Variants in CNOT2 observed in about 807,000 individuals in gnomAD.
The protein encoded by CNOT2 is CCR4-NOT transcription complex subunit 2, also known as CC chemokine receptor 4-negative regulator of transcription 2.
CNOT2 carries 7 observed loss-of-function variants against 72.1 expected under a neutral mutation model. That is an observed-to-expected ratio of 0.10 (90% CI 0.06 to 0.18). The LOEUF (loss-of-function observed/expected upper bound fraction) is 0.18. Among genes scored for constraint, CNOT2 ranks in the 10% least tolerant of loss-of-function variants. The pLI, the probability that CNOT2 is intolerant of heterozygous loss-of-function variation, is 1.00. For missense variants in CNOT2, 345 were observed against 660.3 expected (o/e 0.52, Z 5.23); for synonymous variants, 196 against 225.6 (o/e 0.87, Z 1.17).
chr12:70,326,432 T>G (rs898320610), intron 4 of CNOT2, among the ~76,000 whole-genome samples: 5 of 150,676 alleles, frequency 3.3e-5, no homozygotes, highest in Non-Finnish European at 7.4e-5. Flanking sequence ...CAAGAAAAAC[T>G]CCTTGAGTTC....
At chr12:70,352,307 AAAT>A (rs1291170099) in intron 15 of CNOT2, among the ~76,000 whole-genome samples, 1 of 152,198 alleles carries the variant, frequency 6.6e-6, no homozygotes, top group Non-Finnish European at 1.5e-5. Context: ...TACAAAATGA[AAAT>A]AATGATATCT....
chr12:70,328,900 A>G (rs1405180752), intron 4 of CNOT2, among the ~76,000 whole-genome samples: 2 of 151,846 alleles, frequency 1.3e-5, no homozygotes, highest in East Asian at 3.9e-4. Context: ...GGGTTTGTAA[A>G]AACAGTAATG....
intron 1 of CNOT2, among the ~76,000 whole-genome samples, chr12:70,255,499 A>G (rs1010463458): frequency 7.2e-5 from 11 of 152,174 alleles, no homozygotes; most frequent in African/African-American, 2.4e-4. Context: ...TAAGGCAAGC[A>G]GAATAGTACT....
intron 1 of CNOT2, among the ~76,000 whole-genome samples, chr12:70,246,587 TCTAC>T (rs1957885546): frequency 6.6e-6 from 1 of 152,210 alleles, no homozygotes; most frequent in Non-Finnish European, 1.5e-5. Flanking sequence ...AAGAGCAGTT[TCTAC>T]CTGTGATACT....
chr12:70,349,854 G>GAA (rs1366596741), intron 15 of CNOT2, among the ~76,000 whole-genome samples: 13 of 152,132 alleles, frequency 8.5e-5, no homozygotes, highest in Middle Eastern at 3.4e-3. Flanking sequence ...GAGAGAGAGA[G>GAA]AAACATAGCC....
At chr12:70,303,326 A>G (rs1356159591) in intron 2 of CNOT2, among the ~76,000 whole-genome samples, 2 of 152,094 alleles carry the variant, frequency 1.3e-5, no homozygotes, top group Non-Finnish European at 2.9e-5. Context: ...GGTCTTTACA[A>G]TTTGGCATGT....
In CNOT2 at chr12:70,261,305, C is replaced by CTTTTTTTTTT. The variant is rs71437141; in HGVS notation, c.-95-16809_-95-16800dup. On this transcript the variant is annotated intron_variant, in intron 1 of 15. Transcript: ENST00000229195. ...ATCTTTGTGCCTATTTTCTTTCTTT[C>CTTTTTTTTTT]TTTTTTTTTTTTTTTTTTTTTTTTT... 1.8e-3 allele frequency among the ~76,000 whole-genome samples: 77 copies of CTTTTTTTTTT among 43,356 alleles called. 16 individuals carry two copies. Among genetic ancestry groups the CTTTTTTTTTT allele is most frequent in the East Asian group, 4.0e-3 (3 of 758 alleles). The allele number at this position is 43,356 out of a possible 152,430, so 28.4% of individuals were successfully genotyped here.
At chr12:70,283,047 A>G (rs1870150679) in intron 2 of CNOT2, among the ~76,000 whole-genome samples, 1 of 152,204 alleles carries the variant, frequency 6.6e-6, no homozygotes, top group Non-Finnish European at 1.5e-5. Flanking sequence ...TATGTACTGT[A>G]TTCAGATAAT....
chr12:70,330,385 G>C lies in CNOT2; in HGVS notation c.485G>C (p.Gly162Ala). The C allele has an allele frequency of 1.2e-6, 2 of 1,612,202 alleles. No individual in the cohort carries two copies. The highest frequency in any genetic ancestry group is 1.7e-6 in the Non-Finnish European group (2 of 1,178,714). ...PSRTNSMSSSGLGSPNRSSPS... is the reference protein window; with the variant it reads ...PSRTNSMSSSALGSPNRSSPS... Reference sequence around the variant, plus strand: ...AGGACAAATAGCATGAGCAGTTCAGGGTTAGGTAGCCCCAACAGAAGCTCG... The same window carrying C: ...AGGACAAATAGCATGAGCAGTTCAGCGTTAGGTAGCCCCAACAGAAGCTCG... Residue 162 changes from glycine to alanine, a missense_variant, in exon 6 of 16, where the codon GGG becomes GCG. Transcript: ENST00000229195.
In CNOT2 at chr12:70,354,196, G is replaced by A; in HGVS notation, c.*281G>A. On this transcript the variant is annotated 3_prime_UTR_variant, in exon 16 of 16. Coordinates refer to ENST00000229195, the MANE Select transcript of CNOT2 (RefSeq NM_014515.7). Reference sequence around the variant, plus strand: ...TTTGCCAGCAGACAGACTTGAGTCTGTAAAGACAAGCAAATACACTGACAG... The same window carrying A: ...TTTGCCAGCAGACAGACTTGAGTCTATAAAGACAAGCAAATACACTGACAG... 1 of 406,364 alleles carries A rather than the reference G, an allele frequency of 2.5e-6. No individual in the cohort carries two copies. Among genetic ancestry groups the A allele is most frequent in the Non-Finnish European group, 4.1e-6 (1 of 243,706 alleles). The allele number at this position is 406,364 out of a possible 1,614,324, so 25.2% of individuals were successfully genotyped here.
intron 1 of CNOT2, among the ~76,000 whole-genome samples, chr12:70,252,216 TCA>T (rs1330679698): frequency 6.6e-6 from 1 of 152,204 alleles, no homozygotes; most frequent in Non-Finnish European, 1.5e-5. Context: ...GAGACAGGTC[TCA>T]CTTTGTCACC....
intron 7 of CNOT2, among the ~76,000 whole-genome samples, chr12:70,334,069 A>G (rs1473473106): frequency 6.6e-6 from 1 of 152,056 alleles, no homozygotes; most frequent in East Asian, 1.9e-4. Flanking sequence ...TCATAAAAAT[A>G]TAGATTGGGG....
intron 2 of CNOT2, among the ~76,000 whole-genome samples, chr12:70,283,284 A>T (rs1174118175): frequency 6.6e-6 from 1 of 152,162 alleles, no homozygotes; most frequent in Admixed American, 6.5e-5. Context: ...TATAATGAAT[A>T]TAAAGAACAC....
chr12:70,255,145 TTCTC>T (rs142946271), intron 1 of CNOT2, among the ~76,000 whole-genome samples: 4,455 of 152,186 alleles, frequency 0.029, 140 homozygotes, highest in African/African-American at 0.067. Context: ...TCCTGATGCT[TTCTC>T]TATGTATCTA....
At chr12:70,312,288 A>G (rs1205859765) in intron 3 of CNOT2, among the ~76,000 whole-genome samples, 4 of 151,972 alleles carry the variant, frequency 2.6e-5, no homozygotes, top group Non-Finnish European at 5.9e-5. Context: ...TATTTTTGGT[A>G]GTATCGCCGC....
intron 1 of CNOT2, among the ~76,000 whole-genome samples, chr12:70,277,347 C>T (rs1482155402): frequency 6.6e-6 from 1 of 152,082 alleles, no homozygotes; most frequent in Non-Finnish European, 1.5e-5. Context: ...ACCTCAGCTT[C>T]AGTGCTTTTT....
chr12:70,268,914 C>G (rs1959168229), intron 1 of CNOT2, among the ~76,000 whole-genome samples: 1 of 152,208 alleles, frequency 6.6e-6, no homozygotes, highest in Non-Finnish European at 1.5e-5. Flanking sequence ...TACCTGTTTT[C>G]AGACTTGTCT....
chr12:70,309,839 AT>A (rs1565797699), intron 2 of CNOT2, among the ~76,000 whole-genome samples: 1 of 152,120 alleles, frequency 6.6e-6, no homozygotes, highest in Non-Finnish European at 1.5e-5. Flanking sequence ...TAGAGGTCAC[AT>A]TTTAAAAATA....
intron 2 of CNOT2, among the ~76,000 whole-genome samples, chr12:70,299,398 G>A (rs1407965416): frequency 6.3e-5 from 5 of 79,778 alleles, no homozygotes; most frequent in South Asian, 4.4e-4. Context: ...AACAGTCCCC[G>A]GTGTGTGATG....
Sources: gnomAD v4.1 joint callset for allele counts (sites outside exome capture counted in the v4.1 genomes callset) on GRCh38, gnomAD v4.1.1 for gene constraint, MANE v1.5 for transcripts, NCBI Gene and HGNC (gene_info 2026-07-23, HGNC 2026-07-21) for gene names.